The following KAZN variants were observed in gnomAD, a reference collection of about 807,000 sequenced individuals.
KAZN encodes kazrin, periplakin interacting protein.
KAZN carries 40 observed loss-of-function variants against 87.4 expected under a neutral mutation model. The observed-to-expected ratio is 0.46, with a 90% CI of 0.36 to 0.60. KAZN has a LOEUF of 0.60. KAZN is among the 20% of genes least tolerant of loss of function. The pLI is 0.00. For synonymous variants in KAZN, 466 were observed against 458.3 expected (o/e 1.02, Z -0.22); for missense variants, 898 against 1,073.9 (o/e 0.84, Z 2.29).
intron 2 of KAZN, among the ~76,000 whole-genome samples, chr1:14,441,358 C>T (rs1393217222): frequency 1.1e-4 from 16 of 151,860 alleles, no homozygotes; most frequent in South Asian, 4.2e-4. Flanking sequence ...TATGTTGTTC[C>T]GGGCAGCAGC....
chr1:14,374,149 CTTA>C (rs1459284459), intron 2 of KAZN, among the ~76,000 whole-genome samples: 2 of 152,214 alleles, frequency 1.3e-5, no homozygotes, highest in African/African-American at 4.8e-5. Flanking sequence ...TATGCAGACA[CTTA>C]TTAGTAAGCA....
Position 13,982,865 on chromosome 1 carries a change from T to C in KAZN, c.91+89109T>C, listed in dbSNP as rs190632797. ...CCTTGAGCTAGATACAGAGTGCCCA[T>C]TGGTGTATTTACAATCCCTGAGCTA... is the stretch of plus-strand genomic sequence containing the variant. On this transcript the variant is annotated intron_variant, in intron 1 of 16. Coordinates refer to the KAZN transcript ENST00000636203. Among the ~76,000 whole-genome samples the C allele has an allele frequency of 5.4e-3, 823 of 151,622 alleles. 16 individuals are homozygous for C. The highest frequency in any genetic ancestry group is 0.019 in the African/African-American group (794 of 41,222).
At chr1:14,067,143 C>G (rs1643040818) in intron 1 of KAZN, among the ~76,000 whole-genome samples, 1 of 152,110 alleles carries the variant, frequency 6.6e-6, no homozygotes. Flanking sequence ...CTCCCCGCCC[C>G]AAATAATGTA....
intron 1 of KAZN, among the ~76,000 whole-genome samples, chr1:13,980,693 T>G (rs548522732): frequency 1.3e-5 from 2 of 152,272 alleles, no homozygotes; most frequent in Admixed American, 6.5e-5. Flanking sequence ...AAGATACTTC[T>G]CTCTGTAATC....
chr1:14,508,460 T>C (rs1269175592), intron 2 of KAZN, among the ~76,000 whole-genome samples: 2 of 152,190 alleles, frequency 1.3e-5, no homozygotes, highest in East Asian at 3.8e-4. Flanking sequence ...GTTAAAAATA[T>C]AATAATAAAC....
chr1:14,411,703 G>C (rs1434667783), intron 2 of KAZN, among the ~76,000 whole-genome samples: 1 of 152,064 alleles, frequency 6.6e-6, no homozygotes, highest in Non-Finnish European at 1.5e-5. Flanking sequence ...GACACAGTGA[G>C]GTACAGGAAG....
intron 2 of KAZN, among the ~76,000 whole-genome samples, chr1:14,406,552 A>AG (rs1663869100): frequency 6.6e-6 from 1 of 152,176 alleles, no homozygotes; most frequent in East Asian, 1.9e-4. Context: ...AAAGGATGGG[A>AG]GGGGGGTGAG....
intron 1 of KAZN, among the ~76,000 whole-genome samples, chr1:14,052,937 G>A (rs1210883067): frequency 6.6e-6 from 1 of 152,150 alleles, no homozygotes; most frequent in South Asian, 2.1e-4. Flanking sequence ...GGCAGACAGA[G>A]CCTAGGATGA....
Position 15,021,387 on chromosome 1 carries a change from G to A in KAZN, c.419-13362G>A, listed in dbSNP as rs186973970. Among the ~76,000 whole-genome samples the A allele has an allele frequency of 6.2e-4, 95 of 152,294 alleles. 1 individual carries two copies. The highest frequency in any genetic ancestry group is 2.0e-3 in the Admixed American group (30 of 15,298). ...AACCTAGGGAATGTCCGTGTTCCGG[G>A]CCCATTCCCTGCCACTATTTTTAGT... On this transcript the variant is annotated intron_variant, in intron 2 of 14. Coordinates refer to ENST00000376030, the MANE Select transcript of KAZN (RefSeq NM_201628.3). The surrounding 1 kb of genome is among the most constrained non-coding windows in gnomAD (Gnocchi z 4.2).
intron 1 of KAZN, among the ~76,000 whole-genome samples, chr1:14,793,168 G>T (rs1458971364): frequency 1.3e-5 from 2 of 152,090 alleles, no homozygotes; most frequent in African/African-American, 4.8e-5. Flanking sequence ...TGGAGGCAGA[G>T]ACCAGTTAGG....
intron 1 of KAZN, among the ~76,000 whole-genome samples, chr1:14,014,934 A>G (rs1640492800): frequency 6.6e-6 from 1 of 152,212 alleles, no homozygotes; most frequent in Non-Finnish European, 1.5e-5. Context: ...CAAGCAATTT[A>G]CCCAGTGATA....
Position 15,090,347 on chromosome 1 carries a change from G to T in KAZN, c.1223-3833G>T, listed in dbSNP as rs1038378426. On this transcript the variant is annotated intron_variant, in intron 8 of 14. Transcript: ENST00000376030. ...CAGAGTGAAGCCAGCCAGGCTGGAG[G>T]CCTCCCGGGGGCTCTCAGCTCTTTC... Among the ~76,000 whole-genome samples, 11 of 152,238 alleles carry T rather than the reference G, an allele frequency of 7.2e-5. No individual in the cohort carries two copies. The South Asian group carries it at 8.3e-4, about 11-fold the overall frequency.
In KAZN at chr1:14,718,056, C is replaced by T. The variant is rs181065795; in HGVS notation, c.226+118833C>T. 4.7e-3 allele frequency among the ~76,000 whole-genome samples: 721 copies of T among 152,302 alleles called. 9 individuals carry two copies. Among genetic ancestry groups the T allele is most frequent in the African/African-American group, 0.016 (671 of 41,550 alleles). ...TGACTGGGGTAGCACCGCCAAAGAC[C>T]GCCGGCATTGGCTGCTGGTCACCAG... On this transcript the variant is annotated intron_variant, in intron 1 of 14. Coordinates refer to ENST00000376030, the MANE Select transcript of KAZN (RefSeq NM_201628.3).
chr1:14,548,803 G>T (rs1375467274), intron 2 of KAZN, among the ~76,000 whole-genome samples: 1 of 152,070 alleles, frequency 6.6e-6, no homozygotes, highest in Non-Finnish European at 1.5e-5. Flanking sequence ...TTCGTTGTCT[G>T]CAGTACACAT....
At chr1:14,685,487 TG>T (rs1452719409) in intron 1 of KAZN, among the ~76,000 whole-genome samples, 1 of 152,186 alleles carries the variant, frequency 6.6e-6, no homozygotes, top group African/African-American at 2.4e-5. Flanking sequence ...CCAGGGGACA[TG>T]GGCAGAGGAT....
chr1:13,919,407 T>A (rs1050696719), intron 1 of KAZN, among the ~76,000 whole-genome samples: 4 of 152,254 alleles, frequency 2.6e-5, no homozygotes, highest in African/African-American at 7.2e-5. Flanking sequence ...TACTATATAG[T>A]ATTCTGCAGT....
At chr1:14,404,512 C>CA (rs548433983) in intron 2 of KAZN, among the ~76,000 whole-genome samples, 4 of 152,070 alleles carry the variant, frequency 2.6e-5, no homozygotes, top group African/African-American at 4.8e-5. Context: ...TAAACAACAA[C>CA]AAAAAAATGC....
intron 2 of KAZN, among the ~76,000 whole-genome samples, chr1:14,466,462 G>C (rs1438109058): frequency 1.3e-5 from 2 of 152,090 alleles, no homozygotes; most frequent in Non-Finnish European, 2.9e-5. Context: ...CATGGACACA[G>C]GGAGGGGAAC....
intron 1 of KAZN, among the ~76,000 whole-genome samples, chr1:14,097,899 A>G (rs966939222): frequency 2.0e-5 from 3 of 152,232 alleles, no homozygotes; most frequent in Admixed American, 6.5e-5. Context: ...CTTCTTGGAC[A>G]TAAAAGTGCT....
Sources: allele counts gnomAD v4.1 joint callset (sites outside exome capture counted in the v4.1 genomes callset), GRCh38; gene constraint gnomAD v4.1.1; non-coding constraint Gnocchi (gnomAD v3.1); transcripts MANE v1.5; gene names NCBI Gene and HGNC (gene_info 2026-07-23, HGNC 2026-07-21).